Variants in CNTNAP5 observed in about 807,000 individuals in gnomAD.
The protein encoded by CNTNAP5 is contactin-associated protein-like 5.
A neutral mutation model predicts 150.2 loss-of-function variants in CNTNAP5; 72 were observed. The observed-to-expected ratio is 0.48, with a 90% CI of 0.40 to 0.58. CNTNAP5 has a LOEUF of 0.58. Among genes scored for constraint, CNTNAP5 ranks in the 20% least tolerant of loss-of-function variants. The probability of loss-of-function intolerance (pLI) is 0.00; values close to 1 mark genes in which losing one functional copy is unlikely to be tolerated. For missense variants in CNTNAP5, 1,636 were observed against 1,626.2 expected (o/e 1.01, Z -0.10); for synonymous variants, 672 against 619.8 (o/e 1.08, Z -1.25).
chr2:124,749,751 G>C (rs1203843039), intron 14 of CNTNAP5, among the ~76,000 whole-genome samples: 2 of 152,082 alleles, frequency 1.3e-5, no homozygotes, highest in Non-Finnish European at 2.9e-5. Context: ...CTTGATCTTT[G>C]CTCACTGTTT....
chr2:124,592,925 T>C (rs996468555), intron 11 of CNTNAP5, among the ~76,000 whole-genome samples: 2 of 151,906 alleles, frequency 1.3e-5, no homozygotes, highest in Non-Finnish European at 2.9e-5. Flanking sequence ...ATTGTATCTT[T>C]TGCCATTCAA....
chr2:124,230,548 T>C (rs1381352438), intron 2 of CNTNAP5, among the ~76,000 whole-genome samples: 2 of 151,430 alleles, frequency 1.3e-5, no homozygotes, highest in African/African-American at 4.9e-5. Flanking sequence ...TTTTTTTTTC[T>C]TGAGACAGAG....
intron 7 of CNTNAP5, among the ~76,000 whole-genome samples, chr2:124,485,652 C>T (rs1693861640): frequency 7.0e-6 from 1 of 143,280 alleles, no homozygotes; most frequent in African/African-American, 2.7e-5. Context: ...GTGCATTTAC[C>T]GGGGAACACA....
intron 3 of CNTNAP5, among the ~76,000 whole-genome samples, chr2:124,315,548 T>C (rs1337713771): frequency 1.3e-5 from 2 of 152,296 alleles, no homozygotes; most frequent in Admixed American, 1.3e-4. Context: ...TTTCATAAGA[T>C]GATGTATTTT....
In CNTNAP5 at chr2:124,504,171, C is replaced by T. The variant is rs188268556; in HGVS notation, c.1063-121C>T. On this transcript the variant is annotated intron_variant, in intron 7 of 23. Transcript: ENST00000682447. ...CCGACATTTTTTTCTTCTTTAAGAT[C>T]TTGCCGCTGAATGTGGAATGATCCT... 2.1e-5 allele frequency: 21 copies of T among 990,890 alleles called. No individual in the cohort carries two copies. The East Asian group carries it at 4.9e-4, about 23-fold the overall frequency. The allele number at this position is 990,890 out of a possible 1,614,324, so 61.4% of individuals were successfully genotyped here.
intron 17 of CNTNAP5, chr2:124,778,688 A>T (rs1055170426): frequency 6.5e-6 from 1 of 152,686 alleles, no homozygotes; most frequent in East Asian, 1.9e-4. Context: ...CTTGTTTTCC[A>T]AAGAAAAGTA....
chr2:124,212,807 G>A (rs991751899), intron 1 of CNTNAP5, among the ~76,000 whole-genome samples: 7 of 148,472 alleles, frequency 4.7e-5, no homozygotes, highest in Non-Finnish European at 1.0e-4. Flanking sequence ...GCTTGGCTGG[G>A]ACCTACCATG....
intron 11 of CNTNAP5, among the ~76,000 whole-genome samples, chr2:124,578,502 C>G (rs971837363): frequency 1.3e-5 from 2 of 152,062 alleles, no homozygotes; most frequent in Non-Finnish European, 2.9e-5. Flanking sequence ...GGAATTTTCT[C>G]CCCAGAGGGA....
At chr2:124,838,512 T>C (rs557490579) in intron 19 of CNTNAP5, among the ~76,000 whole-genome samples, 7 of 152,194 alleles carry the variant, frequency 4.6e-5, no homozygotes, top group African/African-American at 1.7e-4. Context: ...TTATTATGCG[T>C]TTTGACTAGT....
intron 1 of CNTNAP5, among the ~76,000 whole-genome samples, chr2:124,029,275 A>G (rs974212386): frequency 5.9e-5 from 9 of 152,100 alleles, no homozygotes; most frequent in African/African-American, 2.2e-4. Context: ...TTATGCACAA[A>G]CTCAATCAAT....
At chr2:124,025,973 G>C (rs192156775) in intron 1 of CNTNAP5, among the ~76,000 whole-genome samples, 138 of 152,212 alleles carry the variant, frequency 9.1e-4, no homozygotes, top group African/African-American at 3.2e-3. Context: ...ATAAGGAAAG[G>C]TTTCTCTTCC....
chr2:124,444,014 G>A (rs1307392025), intron 5 of CNTNAP5, among the ~76,000 whole-genome samples: 2 of 152,080 alleles, frequency 1.3e-5, no homozygotes, highest in Non-Finnish European at 2.9e-5. Context: ...ATCTAGAAAT[G>A]ACAGTTTATA....
At position 124,919,228 on chromosome 2, in the gene CNTNAP5, T is replaced by C. The variant is rs950386816; in HGVS notation, c.*4940T>C. ...TATCTGTTTGGTAGGGAGAGAAGCA[T>C]TCCTCTTTTATGTTGACAATTATTT... On this transcript the variant is annotated 3_prime_UTR_variant, in exon 24 of 24. Transcript: ENST00000682447. 5.3e-5 allele frequency among the ~76,000 whole-genome samples: 8 copies of C among 152,112 alleles called. No individual in the cohort carries two copies. Among genetic ancestry groups the C allele is most frequent in the Non-Finnish European group, 1.0e-4 (7 of 68,014 alleles).
At chr2:124,409,843 C>T (rs1179996513) in intron 3 of CNTNAP5, among the ~76,000 whole-genome samples, 1 of 151,996 alleles carries the variant, frequency 6.6e-6, no homozygotes, top group African/African-American at 2.4e-5. Flanking sequence ...CACCAGCTAA[C>T]ATAATAATGA....
intron 11 of CNTNAP5, among the ~76,000 whole-genome samples, chr2:124,569,656 C>T (rs1030159797): frequency 2.6e-5 from 4 of 152,192 alleles, no homozygotes; most frequent in African/African-American, 9.7e-5. Flanking sequence ...CATTTCTCAG[C>T]CTTTGCCAAT....
At chr2:124,628,524 T>G (rs141818611) in intron 12 of CNTNAP5, among the ~76,000 whole-genome samples, 326 of 152,232 alleles carry the variant, frequency 2.1e-3, no homozygotes, top group African/African-American at 7.4e-3. Flanking sequence ...GCTGAGGCAT[T>G]TTTTCACCAG....
chr2:124,879,026 C>A (rs79036017), intron 21 of CNTNAP5, among the ~76,000 whole-genome samples: 2,065 of 152,106 alleles, frequency 0.014, 46 homozygotes, highest in African/African-American at 0.048. Flanking sequence ...TTAACTAGAC[C>A]AAAACCCACC....
At chr2:124,420,658 G>A (rs4589763) in intron 4 of CNTNAP5, among the ~76,000 whole-genome samples, 149,210 of 152,284 alleles carry the variant, frequency 0.98, 73,173 homozygotes, top group East Asian at 1. Flanking sequence ...ACCTAATTCA[G>A]TCAGTTGAAA....
Position 124,681,513 on chromosome 2 carries a change from T to C in CNTNAP5, c.2077+33555T>C, listed in dbSNP as rs141600141. Reference sequence around the variant, plus strand: ...CTGTCTATTCTGTTTTCCTGGGAGTTTGCAGCTTCTAAGTTCTCTTCTAGC... The same window carrying C: ...CTGTCTATTCTGTTTTCCTGGGAGTCTGCAGCTTCTAAGTTCTCTTCTAGC... On this transcript the variant is annotated intron_variant, in intron 13 of 23. Transcript: ENST00000682447. 8.5e-5 allele frequency among the ~76,000 whole-genome samples: 13 copies of C among 152,240 alleles called. No individual in the cohort carries two copies. In the East Asian group the frequency reaches 2.5e-3, roughly 29 times the overall value.
Sources: allele counts gnomAD v4.1 joint callset (sites outside exome capture counted in the v4.1 genomes callset), GRCh38; gene constraint gnomAD v4.1.1; transcripts MANE v1.5; gene names NCBI Gene and HGNC (gene_info 2026-07-23, HGNC 2026-07-21).